DOCK5: variants seen among roughly 807,000 people sequenced by gnomAD.
DOCK5 encodes dedicator of cytokinesis protein 5.
In DOCK5, 142 loss-of-function variants were observed where a neutral mutation model predicts 251.8. The observed-to-expected ratio is 0.56, with a 90% confidence interval of 0.49 to 0.65. The LOEUF (loss-of-function observed/expected upper bound fraction) is 0.65. Ranked by LOEUF, DOCK5 falls within the 30% of genes least tolerant of loss-of-function variation. The pLI is 0.00. For missense variants in DOCK5, 2,111 were observed against 2,312.3 expected (o/e 0.91, Z 1.79); for synonymous variants, 842 against 835.5 (o/e 1.01, Z -0.13).
intron 14 of DOCK5, among the ~76,000 whole-genome samples, chr8:25,318,200 T>C (rs1805311885): frequency 6.6e-6 from 1 of 151,998 alleles, no homozygotes; most frequent in South Asian, 2.1e-4. Flanking sequence ...GCAATTCTCC[T>C]GCCTCAGCCT....
chr8:25,291,206 A>C (rs1020355525), intron 5 of DOCK5, among the ~76,000 whole-genome samples: 3 of 152,140 alleles, frequency 2.0e-5, no homozygotes, highest in Non-Finnish European at 4.4e-5. Context: ...TTTAGGGTAC[A>C]TGGATGATTT....
intron 5 of DOCK5, among the ~76,000 whole-genome samples, chr8:25,283,334 T>C (rs540912918): frequency 2.0e-5 from 3 of 152,130 alleles, no homozygotes; most frequent in Non-Finnish European, 2.9e-5. Context: ...GGCCCAGGAA[T>C]TGGGAAGCTG....
chr8:25,336,509 G>GAAAT, intron 22 of DOCK5, 136 bp downstream of exon 22: 2 of 1,212,858 alleles, frequency 1.6e-6, no homozygotes, highest in Non-Finnish European at 2.3e-6. Context: ...CTGCAGGGCT[G>GAAAT]AAGATGGATT....
chr8:25,336,527 C>T (rs572148894), intron 22 of DOCK5, among the ~76,000 whole-genome samples, 154 bp downstream of exon 22: 12 of 152,132 alleles, frequency 7.9e-5, no homozygotes, highest in Admixed American at 5.2e-4. Context: ...ATTTGGGCTG[C>T]GTGTCTGTTG....
intron 48 of DOCK5, among the ~76,000 whole-genome samples, chr8:25,405,141 C>A (rs890864870): frequency 9.2e-5 from 14 of 151,860 alleles, no homozygotes; most frequent in Admixed American, 8.5e-4. Flanking sequence ...TAATTTGTTG[C>A]TTCTAATTTT....
chr8:25,406,237 C>G (rs1019520221), intron 48 of DOCK5, among the ~76,000 whole-genome samples: 2 of 152,294 alleles, frequency 1.3e-5, no homozygotes, highest in East Asian at 3.9e-4. Flanking sequence ...GGATTACAGG[C>G]GTGAGCCACC....
intron 21 of DOCK5, among the ~76,000 whole-genome samples, chr8:25,334,446 C>T (rs550656463): frequency 1.3e-5 from 2 of 152,094 alleles, no homozygotes; most frequent in African/African-American, 4.8e-5. Flanking sequence ...ATAGGCCAGG[C>T]GTGGTTGCTC....
In DOCK5 at chr8:25,414,371, T is replaced by G. The variant is rs1423779096; in HGVS notation, c.*3073T>G. 6.6e-6 allele frequency: 1 copy of G among 152,216 alleles called. No homozygotes were observed. Among genetic ancestry groups the G allele is most frequent in the African/African-American group, 2.4e-5 (1 of 41,454 alleles). 9.4% of individuals were successfully genotyped at this position (152,216 alleles called of 1,614,324 possible). On this transcript the variant is annotated 3_prime_UTR_variant, in exon 52 of 52. Transcript: ENST00000276440. ...TAAAGAAGACTGCTGGGCCATGAGT[T>G]GCTTCCTCCTCCTCCACCTTAACCC... is the stretch of plus-strand genomic sequence containing the variant.
intron 40 of DOCK5, among the ~76,000 whole-genome samples, chr8:25,387,624 G>A (rs1801187458): frequency 6.6e-6 from 1 of 152,178 alleles, no homozygotes; most frequent in South Asian, 2.1e-4. Flanking sequence ...AGAACCTCCA[G>A]TGAACATTCC....
rs934507462 is a variant in DOCK5, at chr8:25,374,773, C to T, written c.3816+119C>T. The T allele has an allele frequency of 5.0e-6, 8 of 1,591,046 alleles. No homozygotes were observed. In the African/African-American group the frequency reaches 5.4e-5, roughly 11 times the overall value. Reference sequence around the variant, plus strand: ...TTTATTCCAGGAATATCCTTTTATACAAGTTTTTTTAGTTCTTTCTAAATA... The same window carrying T: ...TTTATTCCAGGAATATCCTTTTATATAAGTTTTTTTAGTTCTTTCTAAATA... On this transcript the variant is annotated intron_variant, in intron 37 of 51. Transcript: ENST00000276440.
chr8:25,199,927 C>T (rs1801840227), intron 1 of DOCK5, among the ~76,000 whole-genome samples: 1 of 150,758 alleles, frequency 6.6e-6, no homozygotes, highest in Non-Finnish European at 1.5e-5. Context: ...CAGAGAAGGC[C>T]TGTCTATCCA....
intron 47 of DOCK5, among the ~76,000 whole-genome samples, chr8:25,402,632 T>C (rs1294057037): frequency 1.3e-5 from 2 of 151,424 alleles, no homozygotes; most frequent in African/African-American, 4.9e-5. Flanking sequence ...TTTGTAGAGA[T>C]AGAGTCTCCC....
At chr8:25,251,191 C>T (rs1803260343) in intron 2 of DOCK5, among the ~76,000 whole-genome samples, 1 of 152,276 alleles carries the variant, frequency 6.6e-6, no homozygotes, top group African/African-American at 2.4e-5. Flanking sequence ...GAAAGGGCGG[C>T]TGGTATGCTG....
intron 2 of DOCK5, among the ~76,000 whole-genome samples, chr8:25,255,978 A>G (rs557006772): frequency 6.6e-6 from 1 of 152,242 alleles, no homozygotes; most frequent in Non-Finnish European, 1.5e-5. Flanking sequence ...AGCAGGAAAC[A>G]GACTGCCTAA....
rs1389791418 is a variant in DOCK5, at chr8:25,403,585, AGCC to A, written c.4957_4959del (p.Arg1653del). On this transcript the variant is annotated inframe_deletion, in exon 48 of 52. Transcript: ENST00000276440. ...ACCCAACTTGACGGAGAGGAAGCAA[AGCC>A]GCACGGGGTCTATTGTGCTCCCCTA... 6.2e-7 allele frequency: 1 copy of A among 1,613,822 alleles called. No homozygotes were observed. Among genetic ancestry groups the A allele is most frequent in the African/African-American group, 1.3e-5 (1 of 75,012 alleles).
intron 1 of DOCK5, among the ~76,000 whole-genome samples, chr8:25,221,469 C>T (rs563557792): frequency 2.3e-4 from 35 of 152,204 alleles, no homozygotes; most frequent in African/African-American, 7.0e-4. Context: ...CCACCATGCC[C>T]GGCTGATTTT....
chr8:25,327,510 A>G (rs1805588457), intron 18 of DOCK5, among the ~76,000 whole-genome samples: 1 of 152,226 alleles, frequency 6.6e-6, no homozygotes, highest in Non-Finnish European at 1.5e-5. Context: ...AATGAAAAGC[A>G]AAAGGAATTT....
At chr8:25,336,548 A>G (rs889654432) in intron 22 of DOCK5, among the ~76,000 whole-genome samples, 175 bp downstream of exon 22, 2 of 152,188 alleles carry the variant, frequency 1.3e-5, no homozygotes, top group Non-Finnish European at 2.9e-5. Context: ...GAGAAGACTC[A>G]TGAGAAGTTT....
intron 25 of DOCK5, among the ~76,000 whole-genome samples, chr8:25,343,838 C>T (rs1267511137): frequency 6.6e-6 from 1 of 152,212 alleles, no homozygotes; most frequent in East Asian, 1.9e-4. Flanking sequence ...TGGAGTCTCA[C>T]TCTTTCGCCC....
Sources: allele counts gnomAD v4.1 joint callset (sites outside exome capture counted in the v4.1 genomes callset), GRCh38; gene constraint gnomAD v4.1.1; transcripts MANE v1.5; gene names NCBI Gene and HGNC (gene_info 2026-07-23, HGNC 2026-07-21).